The following CHRM2 variants were observed in gnomAD, a reference collection of about 807,000 sequenced individuals.
CHRM2 encodes cholinergic receptor muscarinic 2, also known as muscarinic acetylcholine receptor M2.
In CHRM2, 8 loss-of-function variants were observed where a neutral mutation model predicts 25.0. The observed-to-expected ratio is 0.32, with a 90% confidence interval of 0.19 to 0.58. CHRM2 has a LOEUF of 0.58. Among genes scored for constraint, CHRM2 ranks in the 20% least tolerant of loss-of-function variants. The probability of loss-of-function intolerance (pLI) is 0.88; values close to 1 mark genes in which losing one functional copy is unlikely to be tolerated. For synonymous variants in CHRM2, 202 were observed against 205.7 expected, an observed-to-expected ratio of 0.98 and a Z score of 0.15; for missense variants, 440 against 567.1, an observed-to-expected ratio of 0.78 and a Z score of 2.28.
intron 2 of CHRM2, among the ~76,000 whole-genome samples, chr7:136,971,976 G>C (rs1188599090): frequency 1.3e-5 from 2 of 152,128 alleles, no homozygotes; most frequent in Non-Finnish European, 1.5e-5. Context: ...ATAACTATTT[G>C]AAAACTACTG....
At chr7:136,927,973 A>C (rs1798843951) in intron 2 of CHRM2, among the ~76,000 whole-genome samples, 1 of 152,226 alleles carries the variant, frequency 6.6e-6, no homozygotes, top group Non-Finnish European at 1.5e-5. Flanking sequence ...AATTCTATTA[A>C]TCTGAATCAA....
intron 2 of CHRM2, among the ~76,000 whole-genome samples, chr7:136,950,590 A>G (rs1295003540): frequency 2.0e-5 from 3 of 152,224 alleles, no homozygotes; most frequent in Non-Finnish European, 2.9e-5. Context: ...AAATTGCAAT[A>G]AAAATTCCAG....
intron 3 of CHRM2, among the ~76,000 whole-genome samples, chr7:136,995,955 C>T (rs899776983): frequency 2.6e-5 from 4 of 151,480 alleles, no homozygotes; most frequent in Non-Finnish European, 4.4e-5. Context: ...AAAAATATTG[C>T]TACGGGTGTA....
chr7:137,006,357 C>T (rs539960263), intron 3 of CHRM2, among the ~76,000 whole-genome samples: 3 of 152,174 alleles, frequency 2.0e-5, no homozygotes, highest in South Asian at 2.1e-4. Flanking sequence ...TGCTTTTACA[C>T]CCATTTCCCC....
At chr7:136,947,315 T>C (rs947070318) in intron 2 of CHRM2, among the ~76,000 whole-genome samples, 2 of 152,228 alleles carry the variant, frequency 1.3e-5, no homozygotes, top group Non-Finnish European at 2.9e-5. Context: ...TTTTTTTCCT[T>C]AAGTTTTCTC....
chr7:136,929,727 G>C (rs1798952416), intron 2 of CHRM2, among the ~76,000 whole-genome samples: 1 of 152,130 alleles, frequency 6.6e-6, no homozygotes, highest in Admixed American at 6.5e-5. Context: ...TTGTGGAACT[G>C]AGCAACACAG....
intron 2 of CHRM2, among the ~76,000 whole-genome samples, chr7:136,914,615 A>G (rs547758766): frequency 6.6e-6 from 1 of 152,086 alleles, no homozygotes; most frequent in East Asian, 1.9e-4. Context: ...AGGCAGTATT[A>G]TATCAGAGAA....
intron 2 of CHRM2, among the ~76,000 whole-genome samples, chr7:136,907,663 T>C (rs1797626679): frequency 6.6e-6 from 1 of 151,944 alleles, no homozygotes; most frequent in Non-Finnish European, 1.5e-5. Context: ...GTACACTGTC[T>C]CAGCCAAACA....
At chr7:136,956,327 T>G (rs1215729490) in intron 2 of CHRM2, among the ~76,000 whole-genome samples, 1 of 152,184 alleles carries the variant, frequency 6.6e-6, no homozygotes, top group Non-Finnish European at 1.5e-5. Flanking sequence ...TTCTTTTTAA[T>G]GTACTATTTA....
At chr7:136,910,363 G>A (rs965687393) in intron 2 of CHRM2, among the ~76,000 whole-genome samples, 1 of 151,714 alleles carries the variant, frequency 6.6e-6, no homozygotes, top group Non-Finnish European at 1.5e-5. Context: ...TATTTTCAGG[G>A]AGTTTGAATT....
At chr7:136,972,773 G>A (rs1449855255) in intron 2 of CHRM2, among the ~76,000 whole-genome samples, 2 of 145,566 alleles carry the variant, frequency 1.4e-5, no homozygotes, top group Non-Finnish European at 3.0e-5. Flanking sequence ...CGATGGTGAC[G>A]GTGTTAGGGA....
intron 2 of CHRM2, among the ~76,000 whole-genome samples, chr7:136,921,236 C>T (rs1798411970): frequency 6.6e-6 from 1 of 152,130 alleles, no homozygotes; most frequent in South Asian, 2.1e-4. Flanking sequence ...CTGGCACAAT[C>T]TCCTTAACTC....
intron 2 of CHRM2, among the ~76,000 whole-genome samples, chr7:136,961,789 G>T (rs916992093): frequency 1.3e-5 from 2 of 152,060 alleles, no homozygotes; most frequent in African/African-American, 4.8e-5. Context: ...AAGGGAGAAG[G>T]AAAGGAAAGA....
At chr7:137,012,283 T>C (rs980592048) in intron 3 of CHRM2, among the ~76,000 whole-genome samples, 2 of 152,038 alleles carry the variant, frequency 1.3e-5, no homozygotes, top group African/African-American at 2.4e-5. Context: ...ATTAAGAAAT[T>C]GTTGGAATAA....
At chr7:136,992,776 T>C (rs751955063) in intron 3 of CHRM2, among the ~76,000 whole-genome samples, 12 of 152,170 alleles carry the variant, frequency 7.9e-5, no homozygotes, top group Non-Finnish European at 1.8e-4. Context: ...TTTTAAGGAA[T>C]TGAATCATGA....
intron 2 of CHRM2, among the ~76,000 whole-genome samples, chr7:136,959,099 G>A (rs1305067259): frequency 6.6e-6 from 1 of 152,104 alleles, no homozygotes; most frequent in Non-Finnish European, 1.5e-5. Context: ...GTGAACAATG[G>A]TGACCCAAGT....
intron 2 of CHRM2, among the ~76,000 whole-genome samples, chr7:136,922,160 C>G (rs972780575): frequency 6.6e-6 from 1 of 152,166 alleles, no homozygotes; most frequent in South Asian, 2.1e-4. Context: ...TATCTATTCT[C>G]TTCCAAAGCT....
intron 3 of CHRM2, among the ~76,000 whole-genome samples, chr7:137,004,869 G>A (rs1457987212): frequency 6.6e-6 from 1 of 152,054 alleles, no homozygotes; most frequent in Non-Finnish European, 1.5e-5. Flanking sequence ...GGATAACACT[G>A]CGGTCATTTG....
rs765853893 is a variant in CHRM2 at position 137,014,949 on chromosome 7, G to A, written c.84G>A (p.Leu28=). Residue 28 remains leucine (L), a synonymous_variant, in exon 4 of 4, where the codon CTG becomes CTA. Coordinates refer to ENST00000680005, the MANE Select transcript of CHRM2 (RefSeq NM_001006630.2). ...CATTTGAAGTGGTGTTTATTGTCCTGGTGGCTGGATCCCTCAGTTTGGTGA... is the reference window on the plus strand; with the variant it reads ...CATTTGAAGTGGTGTTTATTGTCCTAGTGGCTGGATCCCTCAGTTTGGTGA... The part of the protein sequence containing the change: ...YKTFEVVFIV[L]VAGSLSLVTI... 1.2e-6 allele frequency: 2 copies of A among 1,613,174 alleles called. No homozygotes were observed. The highest frequency in any genetic ancestry group is 2.2e-5 in the East Asian group (1 of 44,746).
Sources: allele counts gnomAD v4.1 joint callset (sites outside exome capture counted in the v4.1 genomes callset), GRCh38; gene constraint gnomAD v4.1.1; transcripts MANE v1.5; gene names NCBI Gene and HGNC (gene_info 2026-07-23, HGNC 2026-07-21).